Variants in MUSK observed in about 807,000 individuals in gnomAD.
The protein encoded by MUSK is muscle associated receptor tyrosine kinase, also known as muscle, skeletal receptor tyrosine-protein kinase.
MUSK carries 55 observed loss-of-function variants against 88.7 expected under a neutral mutation model. That is an observed-to-expected ratio of 0.62 (90% CI 0.50 to 0.78). MUSK has a LOEUF of 0.78. MUSK is among the 30% of genes least tolerant of loss of function. The pLI is 0.00. For synonymous variants in MUSK, 387 were observed against 391.9 expected (o/e 0.99, Z 0.15); for missense variants, 1,015 against 1,074.3 (o/e 0.94, Z 0.77).
intron 5 of MUSK, among the ~76,000 whole-genome samples, chr9:110,722,072 A>T (rs2076819532): frequency 6.6e-6 from 1 of 152,168 alleles, no homozygotes; most frequent in South Asian, 2.1e-4. Flanking sequence ...CTCACCTCTC[A>T]CCTTTTACAA....
chr9:110,776,453 C>T (rs546784840), intron 10 of MUSK, among the ~76,000 whole-genome samples, 179 bp from the exon 11 acceptor site: 3 of 152,262 alleles, frequency 2.0e-5, no homozygotes, highest in Admixed American at 6.5e-5. Flanking sequence ...GTTGTTATCC[C>T]TAACAGCTGG....
intron 11 of MUSK, among the ~76,000 whole-genome samples, chr9:110,780,181 G>A (rs868559164): frequency 3.3e-5 from 5 of 152,098 alleles, no homozygotes; most frequent in African/African-American, 1.2e-4. Flanking sequence ...TTCGCTTTAC[G>A]TTTTTGCTTC....
At chr9:110,701,690 C>CTAT (rs2076511294) in intron 5 of MUSK, among the ~76,000 whole-genome samples, 1 of 5,982 alleles carries the variant, frequency 1.7e-4, no homozygotes, top group Admixed American at 8.5e-4. Context: ...TTTTACTTTA[C>CTAT]TTTATTTTAT....
intron 5 of MUSK, 133 bp downstream of exon 5, chr9:110,697,599 T>C (rs1162274304): frequency 3.2e-6 from 3 of 926,150 alleles, no homozygotes; most frequent in Non-Finnish European, 4.5e-6. Flanking sequence ...TATTAGGCCA[T>C]AAGTTCAAGC....
At chr9:110,669,123 G>A (rs1434980265) in intron 1 of MUSK, 140 bp downstream of exon 1, 3 of 784,902 alleles carry the variant, frequency 3.8e-6, no homozygotes, top group Non-Finnish European at 6.8e-6. Context: ...TATGATGAGG[G>A]AGGAAATTAT....
chr9:110,791,200 C>T lies in MUSK; in HGVS notation c.1927+3362C>T, dbSNP rs201740889. Among the ~76,000 whole-genome samples the T allele has an allele frequency of 1.8e-3, 264 of 149,172 alleles. 3 individuals carry two copies. In the East Asian group the frequency reaches 0.047, roughly 26 times the overall value. The stretch of plus-strand genomic sequence containing the variant: ...ATTTCTGCATTTCCATCTGAGGTAC[C>T]GGGTTCATCTCACTAGGGAGTGCCA... On this transcript the variant is annotated intron_variant, in intron 14 of 14. Transcript: ENST00000374448.
intron 5 of MUSK, among the ~76,000 whole-genome samples, chr9:110,708,270 T>TATTCTC (rs2076626931): frequency 1.3e-5 from 2 of 152,174 alleles, no homozygotes; most frequent in Admixed American, 6.6e-5. Context: ...GTGGAAGCAA[T>TATTCTC]CATGTAATGT....
chr9:110,678,774 CTATCAGGGCTTACAGT>C (rs2076064172), intron 1 of MUSK, among the ~76,000 whole-genome samples: 2 of 152,088 alleles, frequency 1.3e-5, no homozygotes, highest in African/African-American at 4.8e-5. Flanking sequence ...TATGTGTCAT[CTATCAGGGCTTACAGT>C]TGATGTGCAT....
chr9:110,737,347 A>T (rs2077042907), intron 6 of MUSK, among the ~76,000 whole-genome samples: 1 of 151,790 alleles, frequency 6.6e-6, no homozygotes, highest in Non-Finnish European at 1.5e-5. Flanking sequence ...AATATATTTT[A>T]AAATCAATAA....
In MUSK at chr9:110,785,723, A is replaced by T. The variant is rs776647728; in HGVS notation, c.1778+5A>T. 3.2e-6 allele frequency: 5 copies of T among 1,586,612 alleles called. No homozygotes were observed. In the South Asian group the frequency reaches 4.7e-5, roughly 15 times the overall value. On this transcript the variant is annotated splice_donor_5th_base_variant and intron_variant, in intron 13 of 14. Transcript: ENST00000374448. ...TGGAAGGGTGTTTCAAGCAAGGTAA[A>T]GTTACCTATGGAAAAAAAAACTCCA...
rs752539984 is a variant in MUSK at position 110,668,934 on chromosome 9, A to G, written c.30A>G (p.Val10=). The part of the protein sequence containing the change: MRELVNIPL[V]HILTLVAFSG... ...GAGAGCTCGTCAACATTCCACTGGTACATATTCTTACTCTGGTTGCCTTCA... is the reference window on the plus strand; with the variant it reads ...GAGAGCTCGTCAACATTCCACTGGTGCATATTCTTACTCTGGTTGCCTTCA... The change falls in exon 1 of 15, where the codon GTA becomes GTG. Residue 10 remains valine, a synonymous_variant. Coordinates refer to ENST00000374448, the MANE Select transcript of MUSK (RefSeq NM_005592.4). The G allele has an allele frequency of 1.3e-5, 21 of 1,613,696 alleles. No individual in the cohort carries two copies. The South Asian group carries it at 2.1e-4, about 16-fold the overall frequency.
chr9:110,699,542 T>G (rs1038755761), intron 5 of MUSK, among the ~76,000 whole-genome samples: 7 of 152,130 alleles, frequency 4.6e-5, no homozygotes, highest in Non-Finnish European at 8.8e-5. Context: ...CTTGAATAAA[T>G]AGTTGAGGTA....
chr9:110,708,647 T>C (rs1036348129), intron 5 of MUSK, among the ~76,000 whole-genome samples: 1 of 152,156 alleles, frequency 6.6e-6, no homozygotes, highest in Non-Finnish European at 1.5e-5. Context: ...TGGTATATTA[T>C]GGTATGGTTT....
chr9:110,774,881 ACACACACACACT>A (rs994582462), intron 9 of MUSK, among the ~76,000 whole-genome samples: 5 of 138,424 alleles, frequency 3.6e-5, no homozygotes, highest in African/African-American at 5.9e-5. Flanking sequence ...ACACACACAC[ACACACACACACT>A]CTTACAATTT....
intron 5 of MUSK, among the ~76,000 whole-genome samples, chr9:110,723,749 T>A (rs766799382): frequency 6.6e-6 from 1 of 152,106 alleles, no homozygotes; most frequent in African/African-American, 2.4e-5. Context: ...TTTGTTTGCT[T>A]GCTTAAACTT....
intron 9 of MUSK, among the ~76,000 whole-genome samples, chr9:110,773,295 G>A (rs932950142): frequency 6.6e-6 from 1 of 152,054 alleles, no homozygotes; most frequent in Non-Finnish European, 1.5e-5. Flanking sequence ...TTAAAAATAA[G>A]GTGTTCAGGG....
rs889993221 is a variant in MUSK at position 110,803,106 on chromosome 9, G to A, written c.*2118G>A. On this transcript the variant is annotated 3_prime_UTR_variant, in exon 15 of 15. Coordinates refer to ENST00000374448, the MANE Select transcript of MUSK (RefSeq NM_005592.4). Reference sequence around the variant, plus strand: ...TCAAAGACAGCTTCGGGCTTTCTCCGCTGATAAAGTTTTGTTGTAAAAGAC... The same window carrying A: ...TCAAAGACAGCTTCGGGCTTTCTCCACTGATAAAGTTTTGTTGTAAAAGAC... 8.5e-5 allele frequency among the ~76,000 whole-genome samples: 13 copies of A among 152,164 alleles called. No homozygotes were observed. The highest frequency in any genetic ancestry group is 2.4e-4 in the African/African-American group (10 of 41,452).
chr9:110,692,346 T>G (rs1046899043), intron 3 of MUSK, among the ~76,000 whole-genome samples: 3 of 151,768 alleles, frequency 2.0e-5, no homozygotes, highest in Admixed American at 1.3e-4. Flanking sequence ...TTTATTTACT[T>G]TTTTTTGGTA....
intron 4 of MUSK, among the ~76,000 whole-genome samples, chr9:110,697,031 C>CAT (rs1374153970): frequency 6.1e-5 from 9 of 148,182 alleles, no homozygotes; most frequent in Non-Finnish European, 1.2e-4. Context: ...AGCCCATATA[C>CAT]ATATATATAT....
Sources: allele counts gnomAD v4.1 joint callset (sites outside exome capture counted in the v4.1 genomes callset), GRCh38; gene constraint gnomAD v4.1.1; transcripts MANE v1.5; gene names NCBI Gene and HGNC (gene_info 2026-07-23, HGNC 2026-07-21).